Variants in CACNB4 observed in about 807,000 individuals in gnomAD.
The protein encoded by CACNB4 is voltage-dependent L-type calcium channel subunit beta-4.
Under a neutral mutation model 71.2 loss-of-function variants are expected in CACNB4, and 32 were observed. That is an observed-to-expected ratio of 0.45 (90% confidence interval 0.34 to 0.60). The LOEUF (loss-of-function observed/expected upper bound fraction) is 0.60, where lower values mean the gene tolerates loss of function less well. Among genes scored for constraint, CACNB4 ranks in the 20% least tolerant of loss-of-function variants. The probability of loss-of-function intolerance (pLI) is 0.01; values close to 1 mark genes in which losing one functional copy is unlikely to be tolerated. For missense variants in CACNB4, 464 were observed against 647.9 expected, an observed-to-expected ratio of 0.72 and a Z score of 3.08; for synonymous variants, 231 against 236.9, an observed-to-expected ratio of 0.97 and a Z score of 0.23.
chr2:151,946,115 G>A (rs1234914433), intron 2 of CACNB4, among the ~76,000 whole-genome samples: 1 of 152,060 alleles, frequency 6.6e-6, no homozygotes, highest in African/African-American at 2.4e-5. Flanking sequence ...GATCACATGA[G>A]GTCAGGAGTT....
intron 2 of CACNB4, among the ~76,000 whole-genome samples, chr2:151,931,869 A>G (rs1403526754): frequency 6.6e-6 from 1 of 152,242 alleles, no homozygotes; most frequent in Non-Finnish European, 1.5e-5. Flanking sequence ...CTAAAAAACT[A>G]TAGTATACCA....
chr2:152,096,790 T>C (rs1297791209), intron 2 of CACNB4, among the ~76,000 whole-genome samples: 1 of 152,214 alleles, frequency 6.6e-6, no homozygotes, highest in Non-Finnish European at 1.5e-5. Flanking sequence ...AATATTAGAA[T>C]ATTATTTTGT....
intron 2 of CACNB4, among the ~76,000 whole-genome samples, chr2:152,075,291 G>A (rs1270403351): frequency 2.6e-5 from 4 of 152,194 alleles, no homozygotes. Flanking sequence ...AGCTCTGCTG[G>A]TGTTGCTTCT....
At chr2:151,841,213 G>A (rs2099836139) in intron 13 of CACNB4, among the ~76,000 whole-genome samples, 1 of 152,196 alleles carries the variant, frequency 6.6e-6, no homozygotes, top group African/African-American at 2.4e-5. Flanking sequence ...AAGGGCAGCT[G>A]AAAGGCCTAT....
chr2:151,924,314 G>A (rs1413006168), intron 2 of CACNB4, among the ~76,000 whole-genome samples: 1 of 151,356 alleles, frequency 6.6e-6, no homozygotes, highest in Non-Finnish European at 1.5e-5. Context: ...TCCTGACCTC[G>A]TGATCTGCCC....
chr2:152,008,355 C>T (rs748820477), intron 2 of CACNB4, among the ~76,000 whole-genome samples: 4 of 151,704 alleles, frequency 2.6e-5, no homozygotes, highest in Non-Finnish European at 5.9e-5. Context: ...GGTGCAATCT[C>T]AGCTCAGTGC....
chr2:152,059,498 G>T (rs1044612778), intron 2 of CACNB4, among the ~76,000 whole-genome samples: 3 of 152,234 alleles, frequency 2.0e-5, no homozygotes, highest in African/African-American at 7.2e-5. Flanking sequence ...GTGGGATTTT[G>T]GATTTGCATG....
At chr2:151,895,692 C>G (rs1243155232) in intron 2 of CACNB4, among the ~76,000 whole-genome samples, 1 of 151,822 alleles carries the variant, frequency 6.6e-6, no homozygotes, top group African/African-American at 2.4e-5. Flanking sequence ...CAGAGTTATA[C>G]AGCTTAAGAT....
chr2:151,880,828 T>C lies in CACNB4; in HGVS notation c.362A>G (p.Asp121Gly), dbSNP rs1465553659. 1 of 1,613,360 alleles carries C rather than the reference T, an allele frequency of 6.2e-7. No homozygotes were observed. Among genetic ancestry groups the C allele is most frequent in the Non-Finnish European group, 8.5e-7 (1 of 1,179,660 alleles). The change falls in exon 4 of 14, where the codon GAT (aspartate) becomes GGT (glycine). Residue 121 changes from aspartate (D) to glycine (G), a missense_variant. Around this residue, in one of 3 missense-constraint regions of CACNB4, gnomAD observed 299 missense variants for 471.7 expected, o/e 0.63. Transcript: ENST00000539935. ...VPVPSTAISF[D>G]AKDFLHIKEK... Reference sequence around the variant, plus strand: ...TTTAATATGTAGAAAGTCTTTAGCATCAAAGGAGATAGCTGTGCTTGGAAC... The same window carrying C: ...TTTAATATGTAGAAAGTCTTTAGCACCAAAGGAGATAGCTGTGCTTGGAAC...
At chr2:152,083,742 G>C (rs1171720357) in intron 2 of CACNB4, among the ~76,000 whole-genome samples, 2 of 152,214 alleles carry the variant, frequency 1.3e-5, no homozygotes, top group African/African-American at 4.8e-5. Flanking sequence ...ATTCTTATCA[G>C]ATACACTTCA....
intron 2 of CACNB4, among the ~76,000 whole-genome samples, chr2:152,018,192 G>T (rs948072605): frequency 6.6e-6 from 1 of 151,952 alleles, no homozygotes; most frequent in Non-Finnish European, 1.5e-5. Context: ...GATTAGAAGC[G>T]AAAATAAACA....
At chr2:152,057,939 T>C (rs1685808845) in intron 2 of CACNB4, among the ~76,000 whole-genome samples, 1 of 152,190 alleles carries the variant, frequency 6.6e-6, no homozygotes, top group South Asian at 2.1e-4. Flanking sequence ...ATAATCCCCA[T>C]GTGTCATGGG....
intron 2 of CACNB4, among the ~76,000 whole-genome samples, chr2:152,032,383 C>T (rs1442392661): frequency 6.6e-6 from 1 of 152,052 alleles, no homozygotes; most frequent in East Asian, 1.9e-4. Flanking sequence ...ACTTAGCAGC[C>T]CATGGAAATG....
intron 12 of CACNB4, among the ~76,000 whole-genome samples, chr2:151,844,857 T>C (rs2099837118): frequency 6.6e-6 from 1 of 152,260 alleles, no homozygotes; most frequent in South Asian, 2.1e-4. Flanking sequence ...GTTGTTTATA[T>C]CATTTTATTT....
chr2:152,093,088 G>T (rs1456061284), intron 2 of CACNB4, among the ~76,000 whole-genome samples: 2 of 152,068 alleles, frequency 1.3e-5, no homozygotes, highest in Non-Finnish European at 2.9e-5. Context: ...ATGGATGAGG[G>T]CCCCAATGTA....
chr2:151,962,457 C>G (rs1347898133), intron 2 of CACNB4, among the ~76,000 whole-genome samples: 5 of 151,910 alleles, frequency 3.3e-5, no homozygotes, highest in Non-Finnish European at 7.4e-5. Flanking sequence ...TACTGCTGTT[C>G]CTTTTACCTT....
chr2:151,905,115 C>T (rs1490477062), intron 2 of CACNB4, among the ~76,000 whole-genome samples: 2 of 152,136 alleles, frequency 1.3e-5, no homozygotes, highest in Non-Finnish European at 1.5e-5. Context: ...GGATACTGTA[C>T]TCTTAAATGT....
In CACNB4 at chr2:151,851,207, A is replaced by T. The variant is rs556964009; in HGVS notation, c.1116+2241T>A. 5 of 152,354 alleles carry T rather than the reference A, an allele frequency of 3.3e-5. No homozygotes were observed. The South Asian group carries it at 1.0e-3, about 32-fold the overall frequency. 9.4% of individuals were successfully genotyped at this position (152,354 alleles called of 1,614,324 possible). ...CAGGGGCAAATGCAGACACATTTTAAGGTTACTACTGGTTTTTATAATCCA... is the reference window on the plus strand; with the variant it reads ...CAGGGGCAAATGCAGACACATTTTATGGTTACTACTGGTTTTTATAATCCA... On this transcript the variant is annotated intron_variant, in intron 12 of 13. Transcript: ENST00000539935.
chr2:152,049,689 T>C (rs1248841094), intron 2 of CACNB4, among the ~76,000 whole-genome samples: 1 of 152,148 alleles, frequency 6.6e-6, no homozygotes. Flanking sequence ...TGTCTCCCTA[T>C]AATATCCGAA....
Sources: gnomAD v4.1 joint callset for allele counts (sites outside exome capture counted in the v4.1 genomes callset) on GRCh38, gnomAD v4.1.1 for gene constraint, gnomAD v4.1.1 regional missense constraint, MANE v1.5 for transcripts, NCBI Gene and HGNC (gene_info 2026-07-23, HGNC 2026-07-21) for gene names.